The following KIF2C variants were observed in gnomAD, a reference collection of about 807,000 sequenced individuals.
KIF2C encodes the protein kinesin-like protein KIF2C.
Under a neutral mutation model 97.4 loss-of-function variants are expected in KIF2C, and 34 were observed. That is an observed-to-expected ratio of 0.35 (90% CI 0.27 to 0.46). KIF2C has a LOEUF of 0.46. Ranked by LOEUF, KIF2C falls within the 20% of genes least tolerant of loss-of-function variation. The pLI, the probability that KIF2C is intolerant of heterozygous loss-of-function variation, is 1.00. For missense variants in KIF2C, 750 were observed against 907.6 expected (o/e 0.83, Z 2.23); for synonymous variants, 313 against 318.2 (o/e 0.98, Z 0.17).
intron 5 of KIF2C, among the ~76,000 whole-genome samples, chr1:44,752,274 A>G (rs979704888): frequency 2.0e-5 from 3 of 149,848 alleles, no homozygotes; most frequent in African/African-American, 7.4e-5. Flanking sequence ...AGCTGGGACT[A>G]CAGCCGCCTG....
Position 44,750,443 on chromosome 1 carries a change from T to A in KIF2C, c.318T>A (p.Ser106Arg). The change falls in exon 5 of 21, where the codon AGT (serine) becomes AGA (arginine). Residue 106 changes from serine to arginine, a missense_variant and splice_region_variant. Transcript: ENST00000372224. ...VNSKIPAPKE[S>R]LRSRSTRMST... ...TGGCTACTGCTCTCGGTTCTCCAGG[T>A]CTTCGAAGCCGCTCCACTCGCATGT... The A allele has an allele frequency of 6.8e-7, 1 of 1,469,920 alleles. No individual in the cohort carries two copies. Among genetic ancestry groups the A allele is most frequent in the Admixed American group, 2.1e-5 (1 of 46,850 alleles). The allele number at this position is 1,469,920 out of a possible 1,614,324, so 91.1% of individuals were successfully genotyped here. A position where few individuals can be genotyped will look rare whatever the true frequency, so the allele number is the denominator to read the frequency against.
chr1:44,754,024 G>C (rs377515270), intron 7 of KIF2C, among the ~76,000 whole-genome samples, 191 bp downstream of exon 7: 70 of 129,576 alleles, frequency 5.4e-4, no homozygotes, highest in African/African-American at 1.7e-3. Context: ...GTGTGATCTC[G>C]GCTCACTGCA....
rs1476565038 is a variant in KIF2C, at chr1:44,750,332, C to G, written c.317-110C>G. On this transcript the variant is annotated intron_variant, in intron 4 of 20. Coordinates refer to ENST00000372224, the MANE Select transcript of KIF2C (RefSeq NM_006845.4). ...AGGAATATGGGAAGTTGGCGAGCCC[C>G]TTTCCTGGTAGCTGGGACCTATTTC... 18 of 1,202,368 alleles carry G rather than the reference C, an allele frequency of 1.5e-5. No individual in the cohort carries two copies. In the Middle Eastern group the frequency reaches 9.6e-4, roughly 64 times the overall value. 74.5% of individuals were successfully genotyped at this position (1,202,368 alleles called of 1,614,324 possible).
Position 44,750,564 on chromosome 1 carries a change from C to G in KIF2C, c.439C>G (p.Pro147Ala), listed in dbSNP as rs764262019. ...CTCCCGCAAGCAGTTTTCAGTTCCT[C>G]GTGAGTAACGAATGTGCCCCCAACC... ...ANSRKQFSVP[P>A]APTRPSCPAV... Residue 147 changes from proline (P) to alanine (A), a missense_variant and splice_region_variant, in exon 5 of 21, where the codon CCT becomes GCT. Pro to Ala is a conservative substitution (Grantham distance 27). Transcript: ENST00000372224. 1 of 1,540,646 alleles carries G rather than the reference C, an allele frequency of 6.5e-7. No individual in the cohort carries two copies. The highest frequency in any genetic ancestry group is 1.9e-5 in the Admixed American group (1 of 52,222).
chr1:44,751,766 T>G, intron 5 of KIF2C, among the ~76,000 whole-genome samples: 1 of 147,614 alleles, frequency 6.8e-6, no homozygotes, highest in East Asian at 2.0e-4. Context: ...CCTTGGCCTC[T>G]CAAAAGTTCT....
chr1:44,747,324 A>G (rs1649257980), intron 2 of KIF2C, 60 bp from the exon 3 acceptor site: 26 of 1,363,406 alleles, frequency 1.9e-5, no homozygotes, highest in Non-Finnish European at 2.7e-5. Context: ...AAAAAAAAAG[A>G]AAAAATGTAT....
chr1:44,744,394 C>T (rs1159369706), intron 2 of KIF2C, among the ~76,000 whole-genome samples: 1 of 152,222 alleles, frequency 6.6e-6, no homozygotes, highest in Non-Finnish European at 1.5e-5. Flanking sequence ...AGGCATGAGC[C>T]ACCACATGTG....
chr1:44,751,187 ATTATTTAT>A (rs72000438), intron 5 of KIF2C, among the ~76,000 whole-genome samples: 3 of 150,620 alleles, frequency 2.0e-5, no homozygotes, highest in East Asian at 2.0e-4. Context: ...TCTGTATTTT[ATTATTTAT>A]TTATTTATTT....
At chr1:44,740,845 C>CTG in intron 1 of KIF2C, 68 bp from the exon 2 acceptor site, 1 of 811,486 alleles carries the variant, frequency 1.2e-6, no homozygotes, top group Non-Finnish European at 1.8e-6. Flanking sequence ...TTGGGAATCT[C>CTG]TGTGGAATCC....
intron 11 of KIF2C, 28 bp from the exon 12 acceptor site, chr1:44,757,880 C>A: frequency 6.2e-7 from 1 of 1,611,334 alleles, no homozygotes; most frequent in Non-Finnish European, 8.5e-7. Context: ...AGCCCTTTTC[C>A]ATGGTCTTCT....
At chr1:44,762,488 TG>T in intron 18 of KIF2C, 37 bp downstream of exon 18, 1 of 1,609,858 alleles carries the variant, frequency 6.2e-7, no homozygotes. Context: ...GACAGAAGTG[TG>T]GCCTGCTGAG....
chr1:44,766,285 T>C (rs1650459543), intron 19 of KIF2C, among the ~76,000 whole-genome samples: 2 of 151,914 alleles, frequency 1.3e-5, no homozygotes, highest in African/African-American at 4.8e-5. Flanking sequence ...GGACCAATGA[T>C]GTTATTCATT....
chr1:44,747,509 A>G, intron 3 of KIF2C, 24 bp downstream of exon 3: 4 of 1,587,392 alleles, frequency 2.5e-6, no homozygotes, highest in Non-Finnish European at 3.4e-6. Context: ...ATCTGGCTGC[A>G]GCCAGTGCGC....
In KIF2C at chr1:44,750,446, T is replaced by C; in HGVS notation, c.321T>C (p.Leu107=). The part of the protein sequence containing the change: ...NSKIPAPKES[L]RSRSTRMSTV... Reference sequence around the variant, plus strand: ...CTACTGCTCTCGGTTCTCCAGGTCTTCGAAGCCGCTCCACTCGCATGTCCA... The same window carrying C: ...CTACTGCTCTCGGTTCTCCAGGTCTCCGAAGCCGCTCCACTCGCATGTCCA... The change falls in exon 5 of 21, where the codon CTT becomes CTC. Residue 107 remains leucine, a synonymous_variant. Coordinates refer to ENST00000372224, the MANE Select transcript of KIF2C (RefSeq NM_006845.4). 6.8e-7 allele frequency: 1 copy of C among 1,475,146 alleles called. No individual in the cohort carries two copies. The highest frequency in any genetic ancestry group is 1.4e-5 in the South Asian group (1 of 70,140). 91.4% of individuals were successfully genotyped at this position (1,475,146 alleles called of 1,614,324 possible). A position where few individuals can be genotyped will look rare whatever the true frequency, so the allele number is the denominator to read the frequency against.
chr1:44,747,350 T>C (rs1649261161), intron 2 of KIF2C, 34 bp from the exon 3 acceptor site: 2 of 1,494,560 alleles, frequency 1.3e-6, no homozygotes, highest in Admixed American at 1.8e-5. Context: ...TTGAACAATG[T>C]TGTTTCATTG....
At chr1:44,753,690 A>T in intron 6 of KIF2C, 43 bp from the exon 7 acceptor site, 1 of 1,406,872 alleles carries the variant, frequency 7.1e-7, no homozygotes, top group African/African-American at 1.5e-5. Flanking sequence ...CTGGTAACAG[A>T]GTGGGCTTCC....
At chr1:44,757,679 T>C (rs1163236165) in intron 11 of KIF2C, 33 bp downstream of exon 11, 2 of 1,476,156 alleles carry the variant, frequency 1.4e-6, no homozygotes, top group Non-Finnish European at 1.9e-6. Context: ...GAAAGAGCCT[T>C]TCCCTTGTGC....
chr1:44,740,779 GTTTTT>G (rs11403922), intron 1 of KIF2C, 129 bp from the exon 2 acceptor site: 25 of 250,732 alleles, frequency 1.0e-4, no homozygotes, highest in East Asian at 2.0e-4. Flanking sequence ...GTTTCTCTTA[GTTTTT>G]TTTTTTTTTT....
intron 19 of KIF2C, among the ~76,000 whole-genome samples, 162 bp downstream of exon 19, chr1:44,762,820 C>G (rs1650239710): frequency 6.6e-6 from 1 of 152,224 alleles, no homozygotes; most frequent in Non-Finnish European, 1.5e-5. Context: ...GTTAACCCAG[C>G]TGTTCTTCTA....
Sources: gnomAD v4.1 joint callset for allele counts (sites outside exome capture counted in the v4.1 genomes callset) on GRCh38, gnomAD v4.1.1 for gene constraint, MANE v1.5 for transcripts, NCBI Gene and HGNC (gene_info 2026-07-23, HGNC 2026-07-21) for gene names.